Variants in MBD5 observed in about 807,000 individuals in gnomAD.
MBD5 encodes methyl-CpG-binding domain protein 5.
A neutral mutation model predicts 117.3 loss-of-function variants in MBD5; 13 were observed. That is an observed-to-expected ratio of 0.11 (90% CI 0.07 to 0.18). MBD5 has a LOEUF of 0.18. Ranked by LOEUF, MBD5 falls within the 10% of genes least tolerant of loss-of-function variation. The probability of loss-of-function intolerance (pLI) is 1.00; values close to 1 mark genes in which losing one functional copy is unlikely to be tolerated. For missense variants in MBD5, 1,879 were observed against 2,093.8 expected, an observed-to-expected ratio of 0.90 and a Z score of 2.00; for synonymous variants, 727 against 766.4, an observed-to-expected ratio of 0.95 and a Z score of 0.85.
At chr2:148,350,003 G>A (rs1379359473) in intron 4 of MBD5, among the ~76,000 whole-genome samples, 1 of 151,890 alleles carries the variant, frequency 6.6e-6, no homozygotes, top group East Asian at 1.9e-4. Context: ...TCTTAACACT[G>A]GAGCTTCGGA....
chr2:148,390,563 G>GTATA (rs10566882), intron 4 of MBD5, among the ~76,000 whole-genome samples: 29 of 147,664 alleles, frequency 2.0e-4, no homozygotes, highest in Middle Eastern at 3.5e-3. Flanking sequence ...GTGTATGTGT[G>GTATA]TATATATATA....
chr2:148,109,045 T>C (rs1318926252), intron 1 of MBD5, among the ~76,000 whole-genome samples: 6 of 152,208 alleles, frequency 3.9e-5, no homozygotes, highest in Non-Finnish European at 8.8e-5. Flanking sequence ...TCAAATGCCT[T>C]CGTATCTTTT....
intron 4 of MBD5, among the ~76,000 whole-genome samples, chr2:148,434,155 G>A (rs111894304): frequency 7.9e-5 from 12 of 152,038 alleles, no homozygotes; most frequent in African/African-American, 2.9e-4. Context: ...ATTTATTCTA[G>A]ATTTTCCAGT....
chr2:148,101,785 T>C (rs568725052), intron 1 of MBD5, among the ~76,000 whole-genome samples: 19 of 152,296 alleles, frequency 1.2e-4, no homozygotes, highest in Middle Eastern at 3.4e-3. Flanking sequence ...AAATAGGTGC[T>C]AAAATTAAAA....
Position 148,489,962 on chromosome 2 carries a change from A to T in MBD5, c.4330A>T (p.Lys1444Ter). Reference sequence around the variant, plus strand: ...CCCCAGAGGGGAGCGAAACAGGTGGAAGTACGAGGAATTTTTAGATCATCC... The same window carrying T: ...CCCCAGAGGGGAGCGAAACAGGTGGTAGTACGAGGAATTTTTAGATCATCC... ...QSPRGERNRW[K>*]YEEFLDHPGH... is the part of the protein sequence containing the mutation. The change falls in exon 11 of 14, where the codon AAG (lysine) becomes TAG (stop). Residue 1444 changes from lysine to a stop codon, truncating the protein, a stop_gained. Coordinates refer to ENST00000642680, the MANE Select transcript of MBD5 (RefSeq NM_001378120.1). LOFTEE classifies it high-confidence loss of function. 6.2e-7 allele frequency: 1 copy of T among 1,614,074 alleles called. No homozygotes were observed. Among genetic ancestry groups the T allele is most frequent in the Non-Finnish European group, 8.5e-7 (1 of 1,180,018 alleles).
chr2:148,329,456 C>T (rs1306517116), intron 3 of MBD5, among the ~76,000 whole-genome samples: 1 of 152,074 alleles, frequency 6.6e-6, no homozygotes, highest in African/African-American at 2.4e-5. Context: ...GGAGTAGGTA[C>T]CTTTTTTCAA....
At chr2:148,085,495 C>T (rs1451477444) in intron 1 of MBD5, among the ~76,000 whole-genome samples, 2 of 151,848 alleles carry the variant, frequency 1.3e-5, no homozygotes, top group African/African-American at 4.8e-5. Context: ...GAGGCCAAGG[C>T]GGGCGGATCA....
intron 1 of MBD5, among the ~76,000 whole-genome samples, chr2:148,119,424 G>A (rs1392096177): frequency 6.6e-6 from 1 of 152,060 alleles, no homozygotes; most frequent in African/African-American, 2.4e-5. Flanking sequence ...TTAATCCTAT[G>A]TGATTTACAA....
chr2:148,273,018 A>G (rs947927761), intron 3 of MBD5, among the ~76,000 whole-genome samples: 1 of 152,214 alleles, frequency 6.6e-6, no homozygotes, highest in African/African-American at 2.4e-5. Flanking sequence ...CTGGGAGAAA[A>G]ATACACATTT....
chr2:148,129,756 A>G (rs1696992207), intron 1 of MBD5, among the ~76,000 whole-genome samples: 1 of 152,236 alleles, frequency 6.6e-6, no homozygotes, highest in African/African-American at 2.4e-5. Flanking sequence ...TTAATTGATA[A>G]TTCAGACATT....
chr2:148,048,565 A>C (rs929323936), intron 1 of MBD5, among the ~76,000 whole-genome samples: 6 of 152,130 alleles, frequency 3.9e-5, no homozygotes, highest in Non-Finnish European at 8.8e-5. Flanking sequence ...TTCTTCAGGG[A>C]GCACTGACCT....
At chr2:148,148,360 C>A (rs1375947903) in intron 1 of MBD5, among the ~76,000 whole-genome samples, 3 of 152,154 alleles carry the variant, frequency 2.0e-5, no homozygotes, top group Non-Finnish European at 4.4e-5. Flanking sequence ...TGGCTTTTGG[C>A]CTACTATACA....
chr2:148,318,860 C>T (rs74664503), intron 3 of MBD5, among the ~76,000 whole-genome samples: 2,340 of 152,168 alleles, frequency 0.015, 64 homozygotes, highest in African/African-American at 0.053. Context: ...GGATTACAGA[C>T]ATGCGCCATC....
chr2:148,156,094 A>G (rs1697865610), intron 1 of MBD5, among the ~76,000 whole-genome samples: 1 of 152,292 alleles, frequency 6.6e-6, no homozygotes, highest in Non-Finnish European at 1.5e-5. Context: ...CAAAAGAGCC[A>G]GATCATACAT....
intron 3 of MBD5, among the ~76,000 whole-genome samples, chr2:148,328,881 A>C (rs1320005854): frequency 2.0e-5 from 3 of 152,220 alleles, no homozygotes; most frequent in Non-Finnish European, 4.4e-5. Context: ...GATCAGAAAC[A>C]ACAGGGCATC....
At chr2:148,371,522 T>C (rs534982046) in intron 4 of MBD5, among the ~76,000 whole-genome samples, 197 of 152,286 alleles carry the variant, frequency 1.3e-3, no homozygotes, top group African/African-American at 4.6e-3. Flanking sequence ...AAGAACACTC[T>C]AGGAAACTAG....
chr2:148,415,704 A>G (rs1223374628), intron 4 of MBD5, among the ~76,000 whole-genome samples: 1 of 152,104 alleles, frequency 6.6e-6, no homozygotes, highest in Admixed American at 6.6e-5. Flanking sequence ...GTTATTTCGC[A>G]GAACCAGTCT....
chr2:148,452,653 A>G (rs755234132), intron 4 of MBD5, among the ~76,000 whole-genome samples: 3 of 152,218 alleles, frequency 2.0e-5, no homozygotes, highest in Non-Finnish European at 4.4e-5. Flanking sequence ...TAATTTTTAT[A>G]TTGCTACACT....
At chr2:148,264,468 T>A (rs1700809496) in intron 3 of MBD5, 1 of 152,240 alleles carries the variant, frequency 6.6e-6, no homozygotes, top group African/African-American at 2.4e-5. Flanking sequence ...GTGCATTCTC[T>A]TTCTAGTATG....
Sources: allele counts gnomAD v4.1 joint callset (sites outside exome capture counted in the v4.1 genomes callset), GRCh38; gene constraint gnomAD v4.1.1; transcripts MANE v1.5; gene names NCBI Gene and HGNC (gene_info 2026-07-23, HGNC 2026-07-21).